RBFOX1: variants seen among roughly 807,000 people sequenced by gnomAD.
RBFOX1 encodes the protein RNA binding protein fox-1 homolog 1.
Under a neutral mutation model 57.7 loss-of-function variants are expected in RBFOX1, and 8 were observed. The observed-to-expected ratio is 0.14, with a 90% CI of 0.08 to 0.25. The LOEUF is 0.25. RBFOX1 is among the 10% of genes least tolerant of loss of function. The pLI is 1.00. For missense variants in RBFOX1, 611 were observed against 548.5 expected (o/e 1.11, Z -1.14); for synonymous variants, 326 against 222.4 (o/e 1.47, Z -4.15).
At chr16:5,999,131 C>T (rs1322866487) in intron 4 of RBFOX1, among the ~76,000 whole-genome samples, 1 of 152,174 alleles carries the variant, frequency 6.6e-6, no homozygotes, top group Admixed American at 6.5e-5. Context: ...TTAGTGGAAA[C>T]TTTCTGAACA....
At chr16:7,452,825 A>T (rs2150259157) in intron 4 of RBFOX1, among the ~76,000 whole-genome samples, 1 of 152,314 alleles carries the variant, frequency 6.6e-6, no homozygotes, top group Admixed American at 6.5e-5. Flanking sequence ...CACAAAAGGT[A>T]AATGTAAAAT....
chr16:6,645,940 A>G (rs1026891182), intron 2 of RBFOX1, among the ~76,000 whole-genome samples: 113 of 152,222 alleles, frequency 7.4e-4, no homozygotes, highest in African/African-American at 2.4e-3. Context: ...GATAAACCCT[A>G]GCAGTGTGAT....
intron 2 of RBFOX1, among the ~76,000 whole-genome samples, chr16:5,496,388 C>T (rs887850551): frequency 2.6e-5 from 4 of 152,114 alleles, no homozygotes; most frequent in Admixed American, 1.3e-4. Flanking sequence ...TTTGCCTATT[C>T]TCTCCCCATT....
At chr16:6,271,205 C>G (rs1181969363) in intron 1 of RBFOX1, among the ~76,000 whole-genome samples, 1 of 152,156 alleles carries the variant, frequency 6.6e-6, no homozygotes, top group African/African-American at 2.4e-5. Context: ...GGGCAGATCA[C>G]TAGAGGTCAG....
intron 3 of RBFOX1, among the ~76,000 whole-genome samples, chr16:6,996,439 A>G (rs759134388): frequency 1.3e-4 from 20 of 152,296 alleles, no homozygotes; most frequent in Middle Eastern, 3.4e-3. Flanking sequence ...ATGTGTTTAT[A>G]TCTAGATTGA....
intron 5 of RBFOX1, among the ~76,000 whole-genome samples, chr16:7,523,000 T>C (rs2077850909): frequency 6.6e-6 from 1 of 152,194 alleles, no homozygotes; most frequent in Non-Finnish European, 1.5e-5. Context: ...TCCTCCTCCT[T>C]GCCTCATCCC....
At chr16:5,973,407 T>C (rs771508936) in intron 4 of RBFOX1, among the ~76,000 whole-genome samples, 19 of 152,222 alleles carry the variant, frequency 1.2e-4, no homozygotes, top group Non-Finnish European at 2.5e-4. Context: ...TCATAGTTAG[T>C]ATGTCTTGCC....
intron 2 of RBFOX1, among the ~76,000 whole-genome samples, chr16:6,521,513 TC>T (rs2096497322): frequency 7.1e-6 from 1 of 140,758 alleles, no homozygotes; most frequent in African/African-American, 2.7e-5. Flanking sequence ...CCCCTCCCCT[TC>T]GCTTTTCCCT....
chr16:7,324,439 C>T (rs1375594537), intron 4 of RBFOX1, among the ~76,000 whole-genome samples: 1 of 152,064 alleles, frequency 6.6e-6, no homozygotes, highest in Non-Finnish European at 1.5e-5. Context: ...GTAGCTGCAT[C>T]CTCCCCCCTT....
At position 5,892,677 on chromosome 16, in the gene RBFOX1, G is replaced by A. The variant is rs533313836; in HGVS notation, c.351+25342G>A. Among the ~76,000 whole-genome samples, 12 of 152,258 alleles carry A rather than the reference G, an allele frequency of 7.9e-5. No individual in the cohort carries two copies. The South Asian group carries it at 2.5e-3, about 32-fold the overall frequency. On this transcript the variant is annotated intron_variant, in intron 4 of 19. Coordinates refer to the RBFOX1 transcript ENST00000641259. The stretch of plus-strand genomic sequence containing the variant: ...AGATCAAATTCACCCTGCTAAAGAC[G>A]GCTTCCCAGACGGGATTCCTAAGTC...
chr16:5,274,911 C>A (rs1478317214), intron 1 of RBFOX1, among the ~76,000 whole-genome samples: 1 of 152,216 alleles, frequency 6.6e-6, no homozygotes, highest in African/African-American at 2.4e-5. Context: ...TTCTATTCTG[C>A]AGCAATTGAT....
chr16:5,790,212 C>T (rs1261611037), intron 3 of RBFOX1, among the ~76,000 whole-genome samples: 1 of 152,242 alleles, frequency 6.6e-6, no homozygotes. Flanking sequence ...ACGCCCACAT[C>T]ATCCACCAAA....
chr16:6,830,061 C>T (rs1277609809), intron 3 of RBFOX1, among the ~76,000 whole-genome samples: 1 of 152,062 alleles, frequency 6.6e-6, no homozygotes, highest in Non-Finnish European at 1.5e-5. Context: ...GGATTACAGG[C>T]ACACACCACC....
At chr16:6,826,524 G>T (rs76749516) in intron 3 of RBFOX1, among the ~76,000 whole-genome samples, 1 of 152,168 alleles carries the variant, frequency 6.6e-6, no homozygotes, top group African/African-American at 2.4e-5. Flanking sequence ...ATAAGTGGCA[G>T]TGTGGGCACA....
chr16:6,543,595 C>G (rs980449783), intron 2 of RBFOX1, among the ~76,000 whole-genome samples: 1 of 152,036 alleles, frequency 6.6e-6, no homozygotes, highest in Admixed American at 6.5e-5. Context: ...GGTTGTTTTG[C>G]TGTTGTTTTG....
At chr16:6,474,560 A>G (rs943639524) in intron 2 of RBFOX1, among the ~76,000 whole-genome samples, 1 of 152,146 alleles carries the variant, frequency 6.6e-6, no homozygotes, top group Admixed American at 6.5e-5. Context: ...GCTCCTCATC[A>G]CCACCTTTGT....
At chr16:6,095,339 C>A (rs72772886) in intron 1 of RBFOX1, among the ~76,000 whole-genome samples, 225 of 152,260 alleles carry the variant, frequency 1.5e-3, no homozygotes, top group Non-Finnish European at 2.8e-3. Flanking sequence ...AGGACATCTC[C>A]CTTATTTCTA....
chr16:7,533,019 A>G (rs1000628500), intron 5 of RBFOX1, among the ~76,000 whole-genome samples: 3 of 152,362 alleles, frequency 2.0e-5, no homozygotes, highest in East Asian at 3.9e-4. Context: ...TGATTAAAAA[A>G]TGGAAAAATC....
intron 3 of RBFOX1, among the ~76,000 whole-genome samples, chr16:6,887,713 A>G (rs906541882): frequency 6.6e-6 from 1 of 150,540 alleles, no homozygotes; most frequent in Non-Finnish European, 1.5e-5. Context: ...CCCAGGTTGG[A>G]GTGCCCTGGT....
Sources: allele counts gnomAD v4.1 joint callset (sites outside exome capture counted in the v4.1 genomes callset), GRCh38; gene constraint gnomAD v4.1.1; transcripts MANE v1.5; gene names NCBI Gene and HGNC (gene_info 2026-07-23, HGNC 2026-07-21).